Variants in TEK observed in about 807,000 individuals in gnomAD.
TEK encodes the protein angiopoietin-1 receptor.
Under a neutral mutation model 131.8 loss-of-function variants are expected in TEK, and 43 were observed. That is an observed-to-expected ratio of 0.33 (90% CI 0.26 to 0.42). TEK has a LOEUF of 0.42. Ranked by LOEUF, TEK falls within the 10% of genes least tolerant of loss-of-function variation. The probability of loss-of-function intolerance (pLI) is 1.00; values close to 1 mark genes in which losing one functional copy is unlikely to be tolerated. For synonymous variants in TEK, 580 were observed against 491.6 expected (o/e 1.18, Z -2.38); for missense variants, 1,162 against 1,384.4 (o/e 0.84, Z 2.55).
At chr9:27,112,414 A>C (rs1385923011) in intron 1 of TEK, among the ~76,000 whole-genome samples, 3 of 152,110 alleles carry the variant, frequency 2.0e-5, no homozygotes, top group Non-Finnish European at 4.4e-5. Context: ...TCTCAGAGGG[A>C]GGAGCTTGCT....
At chr9:27,197,736 C>T in intron 12 of TEK, 137 bp downstream of exon 12, 1 of 1,058,010 alleles carries the variant, frequency 9.5e-7, no homozygotes, top group Non-Finnish European at 1.4e-6. Context: ...TAGTGCCCCC[C>T]ACCTAATCAT....
chr9:27,218,838 A>G, intron 20 of TEK, 21 bp downstream of exon 20: 1 of 1,612,590 alleles, frequency 6.2e-7, no homozygotes, highest in Non-Finnish European at 8.5e-7. Context: ...ATGTTTATCT[A>G]CCAGGTGAGA....
intron 1 of TEK, among the ~76,000 whole-genome samples, chr9:27,149,989 C>T (rs1823065834): frequency 6.6e-6 from 1 of 152,178 alleles, no homozygotes; most frequent in East Asian, 1.9e-4. Flanking sequence ...TTAAGGGAAT[C>T]TGTAAGGTGG....
intron 2 of TEK, among the ~76,000 whole-genome samples, chr9:27,166,030 C>T (rs564051972): frequency 6.6e-6 from 1 of 152,364 alleles, no homozygotes; most frequent in African/African-American, 2.4e-5. Flanking sequence ...TTTCTCAAAC[C>T]ACCATCTGAA....
intron 21 of TEK, among the ~76,000 whole-genome samples, chr9:27,221,268 C>T (rs1177802492): frequency 6.6e-6 from 1 of 152,242 alleles, no homozygotes; most frequent in Admixed American, 6.5e-5. Context: ...GCAACAGCCA[C>T]AGCCAGGGGC....
chr9:27,230,017 G>A lies in TEK; in HGVS notation c.*785G>A, dbSNP rs1203612130. ...CAGAAAGCCTGGGTGACATTTGGGA[G>A]ACATGTGACATTTATATATTGAATT... On this transcript the variant is annotated 3_prime_UTR_variant, in exon 23 of 23. Coordinates refer to ENST00000380036, the MANE Select transcript of TEK (RefSeq NM_000459.5). 1 of 152,228 alleles carries A rather than the reference G, an allele frequency of 6.6e-6. No homozygotes were observed. The highest frequency in any genetic ancestry group is 1.5e-5 in the Non-Finnish European group (1 of 68,078). 9.4% of individuals were successfully genotyped at this position (152,228 alleles called of 1,614,324 possible). A position where few individuals can be genotyped will look rare whatever the true frequency, so the allele number is the denominator to read the frequency against.
rs563961610 is a variant in TEK at position 27,160,010 on chromosome 9, GTTTTTTTTTTTTTTTTT to G, written c.364+1882_364+1898del. Among the ~76,000 whole-genome samples the G allele has an allele frequency of 2.9e-3, 242 of 84,344 alleles. 1 individual carries two copies. Among genetic ancestry groups the G allele is most frequent in the African/African-American group, 0.01 (209 of 20,640 alleles). 55.3% of individuals were successfully genotyped at this position (84,344 alleles called of 152,430 possible). A position where few individuals can be genotyped will look rare whatever the true frequency, so the allele number is the denominator to read the frequency against. ...ATAATGACATTGTCAGCTGTTTAGG[GTTTTTTTTTTTTTTTTT>G]TTTTTTTTTTTTTAAAGACAAGGGT... On this transcript the variant is annotated intron_variant, in intron 2 of 22. Coordinates refer to ENST00000380036, the MANE Select transcript of TEK (RefSeq NM_000459.5).
rs1825408816 is a variant in TEK, at chr9:27,206,602, G to A, written c.2385G>A (p.Gln795=). The change falls in exon 15 of 23, where the codon CAG becomes CAA. Residue 795 remains glutamine, a synonymous_variant. Coordinates refer to ENST00000380036, the MANE Select transcript of TEK (RefSeq NM_000459.5). ...FQNVREEPAV[Q]FNSGTLALNR... is the part of the protein sequence containing the mutation. ...TCCAGAGGGAAGAACCAGCTGTGCA[G>A]TTCAACTCAGGGACTCTGGCCCTAA... 1.2e-6 allele frequency: 2 copies of A among 1,613,948 alleles called. No individual in the cohort carries two copies. The highest frequency in any genetic ancestry group is 1.7e-6 in the Non-Finnish European group (2 of 1,179,948).
intron 4 of TEK, among the ~76,000 whole-genome samples, chr9:27,171,917 C>G (rs1464105697): frequency 6.6e-6 from 1 of 152,104 alleles, no homozygotes; most frequent in East Asian, 1.9e-4. Context: ...TCTCTGGAGT[C>G]TGATATAACA....
intron 11 of TEK, among the ~76,000 whole-genome samples, chr9:27,193,742 A>G (rs2131189674): frequency 6.6e-6 from 1 of 152,336 alleles, no homozygotes; most frequent in East Asian, 1.9e-4. Flanking sequence ...TTACAGATTG[A>G]AAAGTAGAGA....
At chr9:27,228,518 A>G (rs907405716) in intron 22 of TEK, among the ~76,000 whole-genome samples, 2 of 152,182 alleles carry the variant, frequency 1.3e-5, no homozygotes, top group African/African-American at 4.8e-5. Flanking sequence ...TCACGTACAC[A>G]CTAGAATAAC....
intron 1 of TEK, among the ~76,000 whole-genome samples, chr9:27,145,144 C>A (rs1182812855): frequency 6.6e-6 from 1 of 152,164 alleles, no homozygotes. Context: ...CTCCAAATAG[C>A]CCCCTGATCT....
Position 27,180,249 on chromosome 9 carries a change from C to T in TEK, c.911C>T (p.Pro304Leu), listed in dbSNP as rs533028014. 2.5e-5 allele frequency: 41 copies of T among 1,613,778 alleles called. No individual in the cohort carries two copies. The East Asian group carries it at 8.0e-4, about 32-fold the overall frequency. The stretch of plus-strand genomic sequence containing the variant: ...ATGTCTCTGTTTACAGCATGCCACC[C>T]TGGTTTTTACGGGCCAGATTGTAAG... ...KGLQCNEACHPGFYGPDCKLR... is the reference protein window; with the variant it reads ...KGLQCNEACHLGFYGPDCKLR... The change falls in exon 7 of 23, where the codon CCT becomes CTT. Residue 304 changes from proline (P) to leucine (L), a missense_variant. Physicochemically the swap from Pro to Leu is moderately conservative, Grantham distance 98. Transcript: ENST00000380036.
intron 1 of TEK, among the ~76,000 whole-genome samples, chr9:27,116,939 G>A (rs7863954): frequency 0.12 from 16,934 of 145,904 alleles, 1,601 homozygotes; most frequent in African/African-American, 0.26. Context: ...TCGGCTCACT[G>A]CAAGCTCCGC....
intron 2 of TEK, among the ~76,000 whole-genome samples, chr9:27,165,311 A>G (rs1218121457): frequency 2.6e-5 from 4 of 152,176 alleles, no homozygotes; most frequent in Non-Finnish European, 2.9e-5. Flanking sequence ...AGACAGGAAC[A>G]ACAGCATGAA....
chr9:27,160,010 GTT>G lies in TEK; in HGVS notation c.364+1897_364+1898del, dbSNP rs563961610. 9.2e-3 allele frequency among the ~76,000 whole-genome samples: 772 copies of G among 84,268 alleles called. 17 individuals carry two copies. Among genetic ancestry groups the G allele is most frequent in the African/African-American group, 0.015 (319 of 20,610 alleles). 55.3% of individuals were successfully genotyped at this position (84,268 alleles called of 152,430 possible). A position where few individuals can be genotyped will look rare whatever the true frequency, so the allele number is the denominator to read the frequency against. ...ATAATGACATTGTCAGCTGTTTAGGGTTTTTTTTTTTTTTTTTTTTTTTTTTT... is the reference window on the plus strand; with the variant it reads ...ATAATGACATTGTCAGCTGTTTAGGGTTTTTTTTTTTTTTTTTTTTTTTTT... On this transcript the variant is annotated intron_variant, in intron 2 of 22. Coordinates refer to ENST00000380036, the MANE Select transcript of TEK (RefSeq NM_000459.5).
chr9:27,182,357 C>T (rs574594912), intron 7 of TEK, among the ~76,000 whole-genome samples: 26 of 152,232 alleles, frequency 1.7e-4, no homozygotes, highest in Admixed American at 4.6e-4. Flanking sequence ...TTAAAAGTGT[C>T]AAAACATGTT....
At chr9:27,141,176 A>G (rs970155608) in intron 1 of TEK, among the ~76,000 whole-genome samples, 5 of 151,956 alleles carry the variant, frequency 3.3e-5, no homozygotes, top group Non-Finnish European at 1.5e-5. Context: ...AACTTCTAAC[A>G]TATTGTTTTA....
chr9:27,160,175 AC>A (rs1371537868), intron 2 of TEK, among the ~76,000 whole-genome samples: 2 of 151,896 alleles, frequency 1.3e-5, no homozygotes, highest in Non-Finnish European at 2.9e-5. Context: ...GGCATGCACC[AC>A]CATGCCTGGC....
Sources: gnomAD v4.1 joint callset for allele counts (sites outside exome capture counted in the v4.1 genomes callset) on GRCh38, gnomAD v4.1.1 for gene constraint, MANE v1.5 for transcripts, NCBI Gene and HGNC (gene_info 2026-07-23, HGNC 2026-07-21) for gene names.